The following DNHD1 variants were observed in gnomAD, a reference collection of about 807,000 sequenced individuals.
The protein encoded by DNHD1 is dynein heavy chain domain 1.
Under a neutral mutation model 458.1 loss-of-function variants are expected in DNHD1, and 383 were observed. The observed-to-expected ratio is 0.84, with a 90% CI of 0.77 to 0.91. The LOEUF (loss-of-function observed/expected upper bound fraction) is 0.91. Among genes scored for constraint, DNHD1 ranks in the 40% least tolerant of loss-of-function variants. The pLI is 0.00. For missense variants in DNHD1, 5,336 were observed against 5,866.1 expected (o/e 0.91, Z 2.95); for synonymous variants, 2,203 against 2,376.9 (o/e 0.93, Z 2.13).
rs1243990057 is a variant in DNHD1, at chr11:6,570,600, C to T, written c.13106-18C>T. 1 of 1,579,540 alleles carries T rather than the reference C, an allele frequency of 6.3e-7. No homozygotes were observed. The highest frequency in any genetic ancestry group is 8.6e-7 in the Non-Finnish European group (1 of 1,161,894). ...GGAGAGTCCATCTTGTCCCTCACCC[C>T]TCACCTCTATCCCCAAGAGCTAAGG... On this transcript the variant is annotated intron_variant, in intron 41 of 42. Transcript: ENST00000254579.
rs1467846779 is a variant in DNHD1, at chr11:6,571,145, C to T, written c.13633C>T (p.Pro4545Ser). Residue 4545 changes from proline (P) to serine (S), a missense_variant, in exon 42 of 43, where the codon CCG (proline) becomes TCG (serine). By Grantham distance (74) the Pro-to-Ser change is moderately conservative. Coordinates refer to ENST00000254579, the MANE Select transcript of DNHD1 (RefSeq NM_144666.3). This position sits in a 1 kb window ranked among gnomAD's most constrained non-coding sequence, Gnocchi z 5.0. ...TTGGCGACCTCATGCGCCGGCCGGTCCGCAGCCGCCCTGGCACTGGCTGCG... is the reference window on the plus strand; with the variant it reads ...TTGGCGACCTCATGCGCCGGCCGGTTCGCAGCCGCCCTGGCACTGGCTGCG... Reference protein sequence around the residue: ...LPWRPHAPAGPQPPWHWLRQL... With the variant: ...LPWRPHAPAGSQPPWHWLRQL... The T allele has an allele frequency of 1.7e-5, 28 of 1,601,564 alleles. No homozygotes were observed. In the East Asian group the frequency reaches 5.8e-4, roughly 33 times the overall value.
At chr11:6,569,969 GATGAT>G in intron 39 of DNHD1, 35 bp from the exon 40 acceptor site, 2 of 1,565,840 alleles carry the variant, frequency 1.3e-6, no homozygotes, top group Non-Finnish European at 8.8e-7. Context: ...TCAGCATATA[GATGAT>G]ATGTGAAACC....
At position 6,566,620 on chromosome 11, in the gene DNHD1, TG is replaced by T; in HGVS notation, c.11241del (p.Leu3748TrpfsTer5). 6.2e-7 allele frequency: 1 copy of T among 1,613,854 alleles called. No homozygotes were observed. The highest frequency in any genetic ancestry group is 1.1e-5 in the South Asian group (1 of 90,996). Reference protein sequence around the residue: ...LGCELLKGLNVLDLGLNMEIL... With the variant: ...LGCELLKGLNXLDLGLNMEIL... The stretch of plus-strand genomic sequence containing the variant: ...TGTGAACTGCTAAAGGGGCTGAATG[TG>T]TTGGATCTGGGCCTGAACATGGAAA... On this transcript the variant is annotated frameshift_variant, in exon 35 of 43. Coordinates refer to ENST00000254579, the MANE Select transcript of DNHD1 (RefSeq NM_144666.3). LOFTEE classifies it high-confidence loss of function.
Position 6,570,076 on chromosome 11 carries a change from C to T in DNHD1, c.12931C>T (p.Arg4311Cys), listed in dbSNP as rs200088426. The change falls in exon 40 of 43, where the codon CGT becomes TGT. Residue 4311 changes from arginine (R) to cysteine (C), a missense_variant. Arg to Cys is a radical substitution (Grantham distance 180, BLOSUM62 -3). Coordinates refer to ENST00000254579, the MANE Select transcript of DNHD1 (RefSeq NM_144666.3). ...GCTGTGGGCAAGTCTTAGCAATCCC[C>T]GTGCTGCCATGCAAGAGCTGGCTGG... Reference protein sequence around the residue: ...DQLWASLSNPRAAMQELAASV... With the variant: ...DQLWASLSNPCAAMQELAASV... 1.3e-3 allele frequency: 2,137 copies of T among 1,613,834 alleles called. 1 individual carries two copies. The highest frequency in any genetic ancestry group is 1.4e-3 in the Non-Finnish European group (1,686 of 1,179,852).
At chr11:6,566,070 G>A in intron 33 of DNHD1, 79 bp downstream of exon 33, 2 of 1,437,822 alleles carry the variant, frequency 1.4e-6, no homozygotes, top group Non-Finnish European at 1.9e-6. Flanking sequence ...CCACACCTCA[G>A]TCTAACTTCA....
At chr11:6,540,197 T>C in intron 18 of DNHD1, 114 bp downstream of exon 18, 1 of 877,242 alleles carries the variant, frequency 1.1e-6, no homozygotes, top group East Asian at 2.7e-5. Context: ...CCATCCTTAC[T>C]AGACAGCCTA....
chr11:6,528,561 T>G lies in DNHD1; in HGVS notation c.1877T>G (p.Met626Arg). The change falls in exon 11 of 43, where the codon ATG becomes AGG. Residue 626 changes from methionine to arginine, a missense_variant. Around this residue, in one of 4 missense-constraint regions of DNHD1, gnomAD observed 3,932 missense variants for 4,365.6 expected, o/e 0.90. Transcript: ENST00000254579. Reference protein sequence around the residue: ...EEEDSKDEFLMPKFQGQPSDA... With the variant: ...EEEDSKDEFLRPKFQGQPSDA... ...GAGGACTCAAAAGACGAATTTCTGATGCCCAAGTTCCAGGGCCAGCCCAGC... is the reference window on the plus strand; with the variant it reads ...GAGGACTCAAAAGACGAATTTCTGAGGCCCAAGTTCCAGGGCCAGCCCAGC... 1 of 1,550,988 alleles carries G rather than the reference T, an allele frequency of 6.4e-7. No individual in the cohort carries two copies.
Position 6,551,866 on chromosome 11 carries a change from G to C in DNHD1, c.7387+2933G>C, listed in dbSNP as rs780852530. 2.2e-5 allele frequency among the ~76,000 whole-genome samples: 3 copies of C among 134,386 alleles called. No individual in the cohort carries two copies. In the East Asian group the frequency reaches 6.0e-4, roughly 27 times the overall value. 88.2% of individuals were successfully genotyped at this position (134,386 alleles called of 152,430 possible). A position where few individuals can be genotyped will look rare whatever the true frequency, so the allele number is the denominator to read the frequency against. ...TGAGGCAGGAGAATTGCTTGAACCA[G>C]GGAGGTGGAAGTTGCGGTGAGCTGA... On this transcript the variant is annotated intron_variant, in intron 24 of 42. Transcript: ENST00000254579.
At chr11:6,515,620 T>TA (rs35973931) in intron 7 of DNHD1, among the ~76,000 whole-genome samples, 9 of 151,968 alleles carry the variant, frequency 5.9e-5, no homozygotes, top group African/African-American at 2.2e-4. Context: ...CTTTTTTTTT[T>TA]ACTCCTGTAG....
At position 6,546,383 on chromosome 11, in the gene DNHD1, C is replaced by G. The variant is rs1464747554; in HGVS notation, c.5444C>G (p.Pro1815Arg). 1 of 1,552,140 alleles carries G rather than the reference C, an allele frequency of 6.4e-7. No individual in the cohort carries two copies. Among genetic ancestry groups the G allele is most frequent in the South Asian group, 1.2e-5 (1 of 84,062 alleles). ...LVLRALSSAVPANLHLLLRPV... is the reference protein window; with the variant it reads ...LVLRALSSAVRANLHLLLRPV... The stretch of plus-strand genomic sequence containing the variant: ...CTGCGTGCCCTGAGCTCTGCTGTGC[C>G]TGCCAACCTGCACCTGCTGCTGCGG... The change falls in exon 21 of 43, where the codon CCT (proline) becomes CGT (arginine). Residue 1815 changes from proline (P) to arginine (R), a missense_variant. By Grantham distance (103) the Pro-to-Arg change is moderately radical. Around this residue, in one of 4 missense-constraint regions of DNHD1, gnomAD observed 3,932 missense variants for 4,365.6 expected, o/e 0.90. Transcript: ENST00000254579.
At position 6,563,112 on chromosome 11, in the gene DNHD1, G is replaced by A. The variant is rs554623006; in HGVS notation, c.9650G>A (p.Arg3217Gln). The change falls in exon 29 of 43, where the codon CGA becomes CAA. Residue 3217 changes from arginine to glutamine, a missense_variant. Arg to Gln is a conservative substitution (Grantham distance 43, BLOSUM62 1). This residue lies in a region of DNHD1 where 3,932 missense variants were observed against 4,365.6 expected (regional missense o/e 0.90). Coordinates refer to ENST00000254579, the MANE Select transcript of DNHD1 (RefSeq NM_144666.3). ...ARQRDALQAQ[R>Q]EAFLEQMSKA... Reference sequence around the variant, plus strand: ...CAACGGGATGCCCTGCAAGCTCAGCGAGAGGCTTTCCTGGAGCAGGTGGGC... The same window carrying A: ...CAACGGGATGCCCTGCAAGCTCAGCAAGAGGCTTTCCTGGAGCAGGTGGGC... 15 of 1,551,696 alleles carry A rather than the reference G, an allele frequency of 9.7e-6. No individual in the cohort carries two copies. Among genetic ancestry groups the A allele is most frequent in the Admixed American group, 5.9e-5 (3 of 51,014 alleles).
rs369933793 is a variant in DNHD1, at chr11:6,519,605, C to T, written c.1398C>T (p.His466=). 9.3e-6 allele frequency: 15 copies of T among 1,613,932 alleles called. No individual in the cohort carries two copies. Among genetic ancestry groups the T allele is most frequent in the East Asian group, 6.7e-5 (3 of 44,892 alleles). Residue 466 remains histidine, a synonymous_variant, in exon 8 of 43, where the codon CAC becomes CAT. Transcript: ENST00000254579. ...NLCTSILRLV[H]EDTYHMQQCL... is the part of the protein sequence containing the mutation. ...TTTCCACTCTATGCTCACAGGTTCACGAGGACACATACCACATGCAACAGT... is the reference window on the plus strand; with the variant it reads ...TTTCCACTCTATGCTCACAGGTTCATGAGGACACATACCACATGCAACAGT...
intron 24 of DNHD1, among the ~76,000 whole-genome samples, chr11:6,553,715 G>A (rs1274058936): frequency 6.6e-6 from 1 of 151,962 alleles, no homozygotes; most frequent in African/African-American, 2.4e-5. Context: ...ACAAAACATT[G>A]GAAATTGAAA....
intron 39 of DNHD1, 94 bp downstream of exon 39, chr11:6,568,960 G>A (rs563957827): frequency 1.4e-6 from 2 of 1,397,040 alleles, no homozygotes; most frequent in South Asian, 2.9e-5. Context: ...ATTCATCTTT[G>A]GAAGCTCCAA....
chr11:6,538,698 C>A lies in DNHD1; in HGVS notation c.3213C>A (p.Pro1071=). Residue 1071 remains proline (P), a synonymous_variant, in exon 16 of 43, where the codon CCC becomes CCA. Transcript: ENST00000254579. The stretch of plus-strand genomic sequence containing the variant: ...GCACAACCCTGGAGCTGCACAGCCC[C>A]GTGCTGCAGCACTGCATGCGCATCC... ...RMSTTLELHS[P]VLQHCMRILG... 4 of 1,550,098 alleles carry A rather than the reference C, an allele frequency of 2.6e-6. No individual in the cohort carries two copies. Among genetic ancestry groups the A allele is most frequent in the Non-Finnish European group, 3.5e-6 (4 of 1,145,980 alleles).
At chr11:6,512,397 T>G (rs573013268) in intron 7 of DNHD1, among the ~76,000 whole-genome samples, 93 of 151,734 alleles carry the variant, frequency 6.1e-4, no homozygotes, top group Middle Eastern at 3.4e-3. Context: ...ATTTTTTTTG[T>G]ATTTTTAGTA....
chr11:6,502,688 G>A, intron 3 of DNHD1, 65 bp from the exon 4 acceptor site: 1 of 1,450,102 alleles, frequency 6.9e-7, no homozygotes. Flanking sequence ...ACAGTGGCAA[G>A]GCCTCCCTCT....
chr11:6,533,707 C>T lies in DNHD1; in HGVS notation c.2532C>T (p.Val844=), dbSNP rs1192970079. ...TGAATGAAGCCAATGAACAGTACGT[C>T]GAGCTGGAGGAGCGAATGGAATACG... ...QKLNEANEQY[V]ELEERMEYVR... Residue 844 remains valine (V), a synonymous_variant, in exon 14 of 43, where the codon GTC becomes GTT. Transcript: ENST00000254579. The T allele has an allele frequency of 6.4e-6, 10 of 1,550,624 alleles. No homozygotes were observed. Among genetic ancestry groups the T allele is most frequent in the African/African-American group, 1.4e-5 (1 of 72,998 alleles).
chr11:6,566,978 A>G lies in DNHD1; in HGVS notation c.11469A>G (p.Gln3823=), dbSNP rs1853716221. 1.9e-6 allele frequency: 3 copies of G among 1,613,916 alleles called. No homozygotes were observed. The highest frequency in any genetic ancestry group is 1.7e-5 in the Admixed American group (1 of 60,002). Residue 3823 remains glutamine, a synonymous_variant, in exon 36 of 43, where the codon CAA becomes CAG. Coordinates refer to ENST00000254579, the MANE Select transcript of DNHD1 (RefSeq NM_144666.3). ...TTCTGCGGAACATAGTGAGGGCCCA[A>G]GGAAAGCTATGCCAGCTGCGTGCTC... The part of the protein sequence containing the change: ...AKFLRNIVRA[Q]GKLCQLRAHC...
Sources: gnomAD v4.1 joint callset for allele counts (sites outside exome capture counted in the v4.1 genomes callset) on GRCh38, gnomAD v4.1.1 for gene constraint, gnomAD v4.1.1 regional missense constraint, Gnocchi (gnomAD v3.1) non-coding constraint, MANE v1.5 for transcripts, NCBI Gene and HGNC (gene_info 2026-07-23, HGNC 2026-07-21) for gene names.